Variants in AP5M1 observed in about 807,000 individuals in gnomAD.
AP5M1 encodes adaptor related protein complex 5 subunit mu 1.
In AP5M1, 44 loss-of-function variants were observed where a neutral mutation model predicts 52.3. That is an observed-to-expected ratio of 0.84 (90% CI 0.66 to 1.08). The LOEUF is 1.08. Ranked by LOEUF, AP5M1 falls within the 50% of genes least tolerant of loss-of-function variation. The probability of loss-of-function intolerance (pLI) is 0.00; values close to 1 mark genes in which losing one functional copy is unlikely to be tolerated. For synonymous variants in AP5M1, 213 were observed against 199.0 expected (o/e 1.07, Z -0.59); for missense variants, 526 against 568.4 (o/e 0.93, Z 0.76).
intron 7 of AP5M1, among the ~76,000 whole-genome samples, chr14:57,286,720 G>A (rs1885316381): frequency 6.6e-6 from 1 of 152,122 alleles, no homozygotes; most frequent in African/African-American, 2.4e-5. Flanking sequence ...GTATAAAATG[G>A]AAATAATAGT....
At chr14:57,273,520 A>T (rs1458755110) in intron 1 of AP5M1, among the ~76,000 whole-genome samples, 1 of 152,250 alleles carries the variant, frequency 6.6e-6, no homozygotes, top group Non-Finnish European at 1.5e-5. Flanking sequence ...GTGATCTAAC[A>T]GATTTCTGTA....
chr14:57,280,897 T>G (rs532995650), intron 3 of AP5M1, among the ~76,000 whole-genome samples: 78 of 152,190 alleles, frequency 5.1e-4, no homozygotes, highest in African/African-American at 1.8e-3. Context: ...ACCTCTTATC[T>G]TTGGTGTCGG....
chr14:57,274,367 A>G lies in AP5M1; in HGVS notation c.198A>G (p.Lys66=). The G allele has an allele frequency of 1.2e-6, 2 of 1,614,168 alleles. No individual in the cohort carries two copies. Among genetic ancestry groups the G allele is most frequent in the Non-Finnish European group, 1.7e-6 (2 of 1,180,020 alleles). ...LFELRLLDDD[K]DFVESRDSCS... ...AACTTAGATTATTGGATGATGATAA[A>G]GACTTCGTTGAGAGTCGTGATAGCT... Residue 66 remains lysine (K), a synonymous_variant, in exon 2 of 8, where the codon AAA becomes AAG. Coordinates refer to ENST00000261558, the MANE Select transcript of AP5M1 (RefSeq NM_018229.4).
chr14:57,280,268 A>G lies in AP5M1; in HGVS notation c.794A>G (p.Asp265Gly). 1.2e-6 allele frequency: 2 copies of G among 1,614,058 alleles called. No individual in the cohort carries two copies. Among genetic ancestry groups the G allele is most frequent in the Non-Finnish European group, 1.7e-6 (2 of 1,179,978 alleles). ...SLPTNGSPLQDILVHPCVTSL... is the reference protein window; with the variant it reads ...SLPTNGSPLQGILVHPCVTSL... Reference sequence around the variant, plus strand: ...CCCACCAATGGATCTCCACTTCAGGATATTCTAGTTCACCCTTGTGTAACT... The same window carrying G: ...CCCACCAATGGATCTCCACTTCAGGGTATTCTAGTTCACCCTTGTGTAACT... Residue 265 changes from aspartate to glycine, a missense_variant, in exon 3 of 8, where the codon GAT becomes GGT. Physicochemically the swap from Asp to Gly is moderately conservative, Grantham distance 94. Around this residue, in one of 3 missense-constraint regions of AP5M1, gnomAD observed 425 missense variants for 430.6 expected, o/e 0.99. Coordinates refer to ENST00000261558, the MANE Select transcript of AP5M1 (RefSeq NM_018229.4).
rs772320322 is a variant in AP5M1, at chr14:57,274,282, A to G, written c.113A>G (p.Asn38Ser). 10 of 1,613,992 alleles carry G rather than the reference A, an allele frequency of 6.2e-6. No homozygotes were observed. Among genetic ancestry groups the G allele is most frequent in the Non-Finnish European group, 8.5e-6 (10 of 1,179,936 alleles). Residue 38 changes from asparagine (N) to serine (S), a missense_variant, in exon 2 of 8, where the codon AAT becomes AGT. Physicochemically the swap from Asn to Ser is conservative, Grantham distance 46. Transcript: ENST00000261558. ...PTVEKRARVF[N>S]GASYVPVPED... is the part of the protein sequence containing the mutation. ...GTTGAAAAACGAGCCAGAGTCTTCA[A>G]TGGAGCAAGTTATGTGCCTGTTCCT...
rs1282129989 is a variant in AP5M1, at chr14:57,298,332, A to G, written c.*9448A>G. 1 of 152,192 alleles carries G rather than the reference A, an allele frequency of 6.6e-6. No individual in the cohort carries two copies. The highest frequency in any genetic ancestry group is 1.9e-4 in the East Asian group (1 of 5,192). The allele number at this position is 152,192 out of a possible 1,614,324, so 9.4% of individuals were successfully genotyped here. Reference sequence around the variant, plus strand: ...ATTATTTAGAACATTTCCATTAACCATAAAGGCAAAGTGGTATAGAGAAAA... The same window carrying G: ...ATTATTTAGAACATTTCCATTAACCGTAAAGGCAAAGTGGTATAGAGAAAA... On this transcript the variant is annotated 3_prime_UTR_variant, in exon 8 of 8. Coordinates refer to ENST00000261558, the MANE Select transcript of AP5M1 (RefSeq NM_018229.4).
chr14:57,282,106 T>G lies in AP5M1; in HGVS notation c.966T>G (p.Ile322Met), dbSNP rs1373321659. ...FYTSQVPVPP[I>M]LGFYQMKEEE... is the part of the protein sequence containing the mutation. ...CTTTTTAGGTCCCTGTCCCACCAATTTTGGGTTTTTATCAAATGAAGGAGG... is the reference window on the plus strand; with the variant it reads ...CTTTTTAGGTCCCTGTCCCACCAATGTTGGGTTTTTATCAAATGAAGGAGG... The change falls in exon 4 of 8, where the codon ATT becomes ATG. Residue 322 changes from isoleucine to methionine, a missense_variant. This residue lies in a region of AP5M1 where 425 missense variants were observed against 430.6 expected (regional missense o/e 0.99). Coordinates refer to ENST00000261558, the MANE Select transcript of AP5M1 (RefSeq NM_018229.4). 9 of 1,575,252 alleles carry G rather than the reference T, an allele frequency of 5.7e-6. No individual in the cohort carries two copies. Among genetic ancestry groups the G allele is most frequent in the Non-Finnish European group, 6.9e-6 (8 of 1,166,110 alleles).
chr14:57,288,310 T>C (rs1400402737), intron 7 of AP5M1, among the ~76,000 whole-genome samples: 1 of 151,962 alleles, frequency 6.6e-6, no homozygotes, highest in Admixed American at 6.6e-5. Flanking sequence ...AAGCTATTTT[T>C]AAAAAGGCTT....
rs138778176 is a variant in AP5M1 at position 57,270,769 on chromosome 14, G to A, written c.74+1381G>A. On this transcript the variant is annotated intron_variant, in intron 1 of 7. Transcript: ENST00000261558. ...CTGACAGATAACTCTTAACATCTTC[G>A]ATGTTACTCTTTTTCATTGTATGCA... Among the ~76,000 whole-genome samples the A allele has an allele frequency of 6.6e-5, 10 of 152,158 alleles. No homozygotes were observed. The East Asian group carries it at 1.9e-3, about 29-fold the overall frequency.
At position 57,295,470 on chromosome 14, in the gene AP5M1, G is replaced by A. The variant is rs1421615380; in HGVS notation, c.*6586G>A. ...TTAACAAAGGAAACATTATTAAAGT[G>A]AATGTTTACATTGTGTTTATTGAAG... On this transcript the variant is annotated 3_prime_UTR_variant, in exon 8 of 8. Transcript: ENST00000261558. 1 of 151,890 alleles carries A rather than the reference G, an allele frequency of 6.6e-6. No homozygotes were observed. Among genetic ancestry groups the A allele is most frequent in the Non-Finnish European group, 1.5e-5 (1 of 67,882 alleles). 9.4% of individuals were successfully genotyped at this position (151,890 alleles called of 1,614,324 possible).
intron 4 of AP5M1, 116 bp downstream of exon 4, chr14:57,282,344 TA>T: frequency 1.4e-6 from 1 of 717,782 alleles, no homozygotes; most frequent in Non-Finnish European, 2.0e-6. Context: ...AATTTTATTT[TA>T]TTTAAATGAA....
rs1885481028 is a variant in AP5M1 at position 57,293,390 on chromosome 14, T to C, written c.*4506T>C. On this transcript the variant is annotated 3_prime_UTR_variant, in exon 8 of 8. Transcript: ENST00000261558. ...GGATGTATTTAGATTATTATACTTT[T>C]TTTGGCTCAGACTTTTTGTGATCTA... The C allele has an allele frequency of 6.6e-6, 1 of 151,778 alleles. No homozygotes were observed. Among genetic ancestry groups the C allele is most frequent in the South Asian group, 2.1e-4 (1 of 4,830 alleles). The allele number at this position is 151,778 out of a possible 1,614,324, so 9.4% of individuals were successfully genotyped here.
Position 57,286,213 on chromosome 14 carries a change from T to C in AP5M1, c.1294-10T>C. On this transcript the variant is annotated splice_polypyrimidine_tract_variant and intron_variant, in intron 6 of 7. Transcript: ENST00000261558. ...CACCTTAATTTGGTACATTTCTCTCTTCTTTCTAGCTTCATTTTAGGATCT... is the reference window on the plus strand; with the variant it reads ...CACCTTAATTTGGTACATTTCTCTCCTCTTTCTAGCTTCATTTTAGGATCT... 6.4e-7 allele frequency: 1 copy of C among 1,564,182 alleles called. No individual in the cohort carries two copies. Among genetic ancestry groups the C allele is most frequent in the East Asian group, 2.2e-5 (1 of 44,554 alleles).
rs185782346 is a variant in AP5M1 at position 57,291,562 on chromosome 14, C to G, written c.*2678C>G. The G allele has an allele frequency of 6.6e-6, 1 of 151,756 alleles. No homozygotes were observed. Among genetic ancestry groups the G allele is most frequent in the Non-Finnish European group, 1.5e-5 (1 of 67,798 alleles). 9.4% of individuals were successfully genotyped at this position (151,756 alleles called of 1,614,324 possible). On this transcript the variant is annotated 3_prime_UTR_variant, in exon 8 of 8. Transcript: ENST00000261558. ...TTTTTAACTTTTTAAGTAATTGATT[C>G]AAATGTCAAGTTTGAAGCAGTCTTG...
At chr14:57,280,473 A>T in intron 3 of AP5M1, 51 bp downstream of exon 3, 1 of 1,189,586 alleles carries the variant, frequency 8.4e-7, no homozygotes. Flanking sequence ...ATTCATAAAT[A>T]CTATTGATAA....
At chr14:57,282,668 C>G (rs1294799203) in intron 4 of AP5M1, among the ~76,000 whole-genome samples, 1 of 152,108 alleles carries the variant, frequency 6.6e-6, no homozygotes, top group Non-Finnish European at 1.5e-5. Context: ...ATTGTAGCAA[C>G]CCATGTGACC....
chr14:57,283,600 GTTTT>G (rs1174684999), intron 6 of AP5M1, among the ~76,000 whole-genome samples: 1 of 151,972 alleles, frequency 6.6e-6, no homozygotes, highest in South Asian at 2.1e-4. Context: ...TTAAACAAGG[GTTTT>G]TTTGTTTGTT....
chr14:57,284,039 C>G (rs1369811741), intron 6 of AP5M1, among the ~76,000 whole-genome samples: 2 of 152,164 alleles, frequency 1.3e-5, no homozygotes, highest in African/African-American at 4.8e-5. Context: ...GTAGTCCTTG[C>G]CCTCCAGGAA....
intron 2 of AP5M1, among the ~76,000 whole-genome samples, chr14:57,278,055 T>C (rs1231498075): frequency 1.3e-5 from 2 of 152,262 alleles, no homozygotes; most frequent in Non-Finnish European, 2.9e-5. Flanking sequence ...TGGGGCCCAG[T>C]TGGTCAGTTT....
Sources: allele counts gnomAD v4.1 joint callset (sites outside exome capture counted in the v4.1 genomes callset), GRCh38; gene constraint gnomAD v4.1.1; regional missense constraint gnomAD v4.1.1; transcripts MANE v1.5; gene names NCBI Gene and HGNC (gene_info 2026-07-23, HGNC 2026-07-21).